Variants in PIK3C2G observed in about 807,000 individuals in gnomAD.
PIK3C2G encodes the protein phosphatidylinositol-4-phosphate 3-kinase catalytic subunit type 2 gamma.
A neutral mutation model predicts 181.1 loss-of-function variants in PIK3C2G; 168 were observed. The ratio of observed to expected loss-of-function variants is 0.93; its 90% confidence interval spans 0.82 to 1.05. The LOEUF (loss-of-function observed/expected upper bound fraction) is 1.05. Among genes scored for constraint, PIK3C2G ranks in the 50% least tolerant of loss-of-function variants. PIK3C2G has a pLI of 0.00. For missense variants in PIK3C2G, 1,869 were observed against 1,732.8 expected (o/e 1.08, Z -1.40); for synonymous variants, 573 against 592.2 (o/e 0.97, Z 0.47).
At chr12:18,460,153 G>A (rs1321481647) in intron 18 of PIK3C2G, among the ~76,000 whole-genome samples, 1 of 152,092 alleles carries the variant, frequency 6.6e-6, no homozygotes, top group Admixed American at 6.5e-5. Flanking sequence ...CTGGACTGAG[G>A]TAAATACAAA....
At chr12:18,355,764 T>C (rs1358851475) in intron 11 of PIK3C2G, among the ~76,000 whole-genome samples, 3 of 152,222 alleles carry the variant, frequency 2.0e-5, no homozygotes, top group Admixed American at 2.0e-4. Context: ...CATTGGGGTT[T>C]GGGGTCATAC....
intron 11 of PIK3C2G, among the ~76,000 whole-genome samples, chr12:18,361,443 T>C (rs1941228352): frequency 6.6e-6 from 1 of 152,142 alleles, no homozygotes. Flanking sequence ...CCCCTCTTTC[T>C]TTGTGTGCCT....
chr12:18,260,925 T>C (rs899871432), upstream of PIK3C2G, among the ~76,000 whole-genome samples: 7 of 152,114 alleles, frequency 4.6e-5, no homozygotes, highest in South Asian at 1.0e-3. Context: ...GCTAATCTTA[T>C]AAATATTGTT....
intron 18 of PIK3C2G, among the ~76,000 whole-genome samples, chr12:18,437,231 T>C (rs1332689942): frequency 6.6e-6 from 1 of 151,990 alleles, no homozygotes; most frequent in African/African-American, 2.4e-5. Context: ...GGATTTTTCT[T>C]GCTTTTCTTC....
intron 18 of PIK3C2G, among the ~76,000 whole-genome samples, chr12:18,449,980 C>T (rs1411407019): frequency 6.6e-6 from 1 of 152,198 alleles, no homozygotes; most frequent in African/African-American, 2.4e-5. Context: ...GCCATTCTGA[C>T]TGGCATGAGA....
intron 1 of PIK3C2G, among the ~76,000 whole-genome samples, chr12:18,265,453 T>C (rs1478087660): frequency 6.6e-6 from 1 of 152,170 alleles, no homozygotes; most frequent in Non-Finnish European, 1.5e-5. Context: ...GAGCTGGTTA[T>C]AAAATTCCAG....
intron 18 of PIK3C2G, among the ~76,000 whole-genome samples, chr12:18,467,930 T>A (rs980314612): frequency 6.6e-6 from 1 of 152,036 alleles, no homozygotes; most frequent in Admixed American, 6.6e-5. Flanking sequence ...AAAATTTACA[T>A]GTGGTTTTTG....
At chr12:18,453,268 T>C (rs1055748570) in intron 18 of PIK3C2G, among the ~76,000 whole-genome samples, 4 of 152,200 alleles carry the variant, frequency 2.6e-5, no homozygotes, top group Admixed American at 6.6e-5. Context: ...TTAGGATAGT[T>C]AGCTCTTCTT....
At chr12:18,437,507 A>T (rs371036979) in intron 18 of PIK3C2G, among the ~76,000 whole-genome samples, 3 of 152,010 alleles carry the variant, frequency 2.0e-5, no homozygotes, top group African/African-American at 7.2e-5. Context: ...TACCTGATAC[A>T]CTAACCACTC....
At chr12:18,404,137 T>A (rs927930201) in intron 16 of PIK3C2G, among the ~76,000 whole-genome samples, 1 of 152,136 alleles carries the variant, frequency 6.6e-6, no homozygotes, top group Non-Finnish European at 1.5e-5. Context: ...GGAAAAATAT[T>A]TCCAAAATAT....
chr12:18,559,894 A>G (rs2136323927), intron 26 of PIK3C2G, among the ~76,000 whole-genome samples: 1 of 139,728 alleles, frequency 7.2e-6, no homozygotes, highest in East Asian at 2.2e-4. Flanking sequence ...CCTAGGCTGG[A>G]ATGCAGTGGC....
intron 29 of PIK3C2G, among the ~76,000 whole-genome samples, chr12:18,577,507 T>A (rs1320951968): frequency 1.3e-5 from 2 of 152,282 alleles, no homozygotes; most frequent in South Asian, 2.1e-4. Flanking sequence ...ATTGTTTTTA[T>A]ATTGAATTGA....
At chr12:18,575,238 A>G (rs555392447) in intron 29 of PIK3C2G, among the ~76,000 whole-genome samples, 8 of 152,292 alleles carry the variant, frequency 5.3e-5, no homozygotes, top group East Asian at 1.9e-4. Context: ...TAGTTCCTAT[A>G]TGGTGCTGGG....
At chr12:18,549,659 TG>T (rs1263858078) in intron 26 of PIK3C2G, among the ~76,000 whole-genome samples, 1 of 152,036 alleles carries the variant, frequency 6.6e-6, no homozygotes, top group African/African-American at 2.4e-5. Context: ...GAGCCTGCGT[TG>T]GCTGAAGTTG....
chr12:18,331,700 A>C (rs532736130), intron 8 of PIK3C2G, among the ~76,000 whole-genome samples: 27 of 152,204 alleles, frequency 1.8e-4, no homozygotes, highest in Non-Finnish European at 3.5e-4. Flanking sequence ...ATAGGATTTT[A>C]CAAGTAGTCA....
In PIK3C2G at chr12:18,571,795, A is replaced by G. The variant is rs564907628; in HGVS notation, c.4011+4738A>G. ...CACAGATGGGTTTTTTTCTAAATCC[A>G]GTAACATAATTTTCATCTTTTACTT... On this transcript the variant is annotated intron_variant, in intron 29 of 32. Transcript: ENST00000538779. Among the ~76,000 whole-genome samples, 5 of 150,890 alleles carry G rather than the reference A, an allele frequency of 3.3e-5. 1 individual carries two copies. The highest frequency in any genetic ancestry group is 1.2e-4 in the African/African-American group (5 of 40,506).
chr12:18,500,354 T>G (rs1166963527), intron 22 of PIK3C2G, among the ~76,000 whole-genome samples: 1 of 152,164 alleles, frequency 6.6e-6, no homozygotes, highest in Non-Finnish European at 1.5e-5. Flanking sequence ...TGCGCTGGAT[T>G]TCTCGCCGGG....
intron 13 of PIK3C2G, among the ~76,000 whole-genome samples, chr12:18,381,319 A>C (rs1054944903): frequency 6.6e-6 from 1 of 151,998 alleles, no homozygotes; most frequent in Non-Finnish European, 1.5e-5. Context: ...TTTTTTAATA[A>C]ATTTAGAACT....
the PIK3C2G span, chr12:18,723,375 A>G: frequency 2.5e-6 from 4 of 1,612,896 alleles, no homozygotes; most frequent in East Asian, 2.2e-5. Context: ...TCTCAGCTGC[A>G]TATTGTTCTT....
Sources: gnomAD v4.1 joint callset for allele counts (sites outside exome capture counted in the v4.1 genomes callset) on GRCh38, gnomAD v4.1.1 for gene constraint, MANE v1.5 for transcripts, NCBI Gene and HGNC (gene_info 2026-07-23, HGNC 2026-07-21) for gene names.